Variants in RBFOX1 observed in about 807,000 individuals in gnomAD.
RBFOX1 encodes the protein RNA binding fox-1 homolog 1.
Under a neutral mutation model 57.7 loss-of-function variants are expected in RBFOX1, and 8 were observed. The ratio of observed to expected loss-of-function variants is 0.14; its 90% CI spans 0.08 to 0.25. The LOEUF is 0.25. RBFOX1 is among the 10% of genes least tolerant of loss of function. The pLI is 1.00. For missense variants in RBFOX1, 611 were observed against 548.5 expected (o/e 1.11, Z -1.14); for synonymous variants, 326 against 222.4 (o/e 1.47, Z -4.15).
intron 4 of RBFOX1, among the ~76,000 whole-genome samples, chr16:7,095,710 T>G (rs2061577005): frequency 6.6e-6 from 1 of 152,158 alleles, no homozygotes; most frequent in South Asian, 2.1e-4. Flanking sequence ...CAATTTGTTT[T>G]TTAATTCATT....
intron 4 of RBFOX1, among the ~76,000 whole-genome samples, chr16:7,114,021 A>G (rs9922705): frequency 0.22 from 33,726 of 152,128 alleles, 3,961 homozygotes; most frequent in East Asian, 0.43. Context: ...ATCAATAATG[A>G]ATGTGCAATG....
intron 2 of RBFOX1, among the ~76,000 whole-genome samples, chr16:6,355,456 A>T (rs2087131697): frequency 6.6e-6 from 1 of 152,168 alleles, no homozygotes; most frequent in Non-Finnish European, 1.5e-5. Context: ...CCTGCAAAGG[A>T]CATGAACTCA....
rs1270485814 is a variant in RBFOX1, at chr16:7,445,362, C to T, written c.28-72785C>T. Among the ~76,000 whole-genome samples the T allele has an allele frequency of 3.3e-5, 5 of 152,138 alleles. No individual in the cohort carries two copies. In the South Asian group the frequency reaches 6.2e-4, roughly 19 times the overall value. On this transcript the variant is annotated intron_variant, in intron 4 of 15. Coordinates refer to ENST00000550418, the MANE Select transcript of RBFOX1 (RefSeq NM_018723.4). ...CTACTCCTCTCTTAATCTGGAGGCC[C>T]ATGGGTCTCCAGTACCCTTATGCAC...
chr16:7,256,560 G>A (rs1025841792), intron 4 of RBFOX1, among the ~76,000 whole-genome samples: 1 of 151,946 alleles, frequency 6.6e-6, no homozygotes, highest in South Asian at 2.1e-4. Flanking sequence ...CTGTATGTCT[G>A]TTTATACCAT....
chr16:7,571,272 C>T (rs1180182065), intron 5 of RBFOX1, among the ~76,000 whole-genome samples: 1 of 152,150 alleles, frequency 6.6e-6, no homozygotes, highest in Non-Finnish European at 1.5e-5. Flanking sequence ...CTAGAAGATG[C>T]CACGCAGGTG....
intron 5 of RBFOX1, among the ~76,000 whole-genome samples, chr16:7,544,443 T>A (rs2083848172): frequency 6.6e-6 from 1 of 152,178 alleles, no homozygotes; most frequent in African/African-American, 2.4e-5. Flanking sequence ...TAGATGAGGT[T>A]ATACTGGATT....
chr16:6,150,781 C>A (rs76507910), intron 1 of RBFOX1, among the ~76,000 whole-genome samples: 9,931 of 152,222 alleles, frequency 0.065, 489 homozygotes, highest in Middle Eastern at 0.13. Flanking sequence ...TAGATTTGTG[C>A]CTAGGACATC....
chr16:6,582,768 T>A lies in RBFOX1; in HGVS notation c.-63-71835T>A, dbSNP rs141581512. Among the ~76,000 whole-genome samples, 341 of 151,384 alleles carry A rather than the reference T, an allele frequency of 2.3e-3. 2 individuals are homozygous for A. The highest frequency in any genetic ancestry group is 3.3e-3 in the Non-Finnish European group (227 of 67,804). ...CTTTCTCTTCTTTCCTCCCCTTTCT[T>A]TCCTTCCTCTTTCCCTTCCCTCCCC... On this transcript the variant is annotated intron_variant, in intron 2 of 15. Coordinates refer to ENST00000550418, the MANE Select transcript of RBFOX1 (RefSeq NM_018723.4).
chr16:5,433,210 G>A (rs1320425991), intron 1 of RBFOX1, among the ~76,000 whole-genome samples: 1 of 152,136 alleles, frequency 6.6e-6, no homozygotes, highest in Non-Finnish European at 1.5e-5. Context: ...TTGCCTCCTT[G>A]ATTCTCTTGG....
chr16:5,312,157 T>G (rs2064109112), intron 1 of RBFOX1, among the ~76,000 whole-genome samples: 1 of 152,178 alleles, frequency 6.6e-6, no homozygotes, highest in South Asian at 2.1e-4. Context: ...GGAATGCGTG[T>G]TTGGGACACT....
At chr16:6,925,207 C>T (rs1208404361) in intron 3 of RBFOX1, among the ~76,000 whole-genome samples, 2 of 129,320 alleles carry the variant, frequency 1.5e-5, no homozygotes, top group Admixed American at 1.8e-4. Context: ...GATCTCAGCT[C>T]ACTGAAGCCT....
chr16:6,132,445 T>G (rs2096636356), intron 1 of RBFOX1, among the ~76,000 whole-genome samples: 1 of 152,176 alleles, frequency 6.6e-6, no homozygotes, highest in Non-Finnish European at 1.5e-5. Context: ...CTGAGCTAGT[T>G]TTACTGAGCA....
rs575235024 is a variant in RBFOX1 at position 5,897,016 on chromosome 16, C to CTTTTTTTT, written c.351+29704_351+29711dup. On this transcript the variant is annotated intron_variant, in intron 4 of 19. Transcript: ENST00000641259. ...CCCCCACTAAAAATGTATCCATCCG[C>CTTTTTTTT]TTTTTTTTTTTTTTTTTTTTTTTTT... Among the ~76,000 whole-genome samples the CTTTTTTTT allele has an allele frequency of 3.6e-3, 205 of 56,468 alleles. 30 individuals are homozygous for CTTTTTTTT. The highest frequency in any genetic ancestry group is 0.012 in the African/African-American group (160 of 13,014). 37.0% of individuals were successfully genotyped at this position (56,468 alleles called of 152,430 possible).
At chr16:6,811,969 G>T (rs978117157) in intron 3 of RBFOX1, among the ~76,000 whole-genome samples, 1 of 152,158 alleles carries the variant, frequency 6.6e-6, no homozygotes, top group Non-Finnish European at 1.5e-5. Flanking sequence ...ATTTCTTACA[G>T]ATGTTGTTTC....
At chr16:6,491,266 A>T (rs553136527) in intron 2 of RBFOX1, among the ~76,000 whole-genome samples, 1 of 152,048 alleles carries the variant, frequency 6.6e-6, no homozygotes, top group African/African-American at 2.4e-5. Context: ...GGGAAGTTGG[A>T]TTTAAAATAG....
At chr16:6,360,445 G>GA (rs1010142094) in intron 2 of RBFOX1, among the ~76,000 whole-genome samples, 9 of 149,690 alleles carry the variant, frequency 6.0e-5, no homozygotes, top group East Asian at 3.9e-4. Context: ...ACTATATTTG[G>GA]AAAAAAAAAT....
intron 1 of RBFOX1, among the ~76,000 whole-genome samples, chr16:6,058,800 C>G (rs1188017429): frequency 6.6e-6 from 1 of 151,010 alleles, no homozygotes; most frequent in Non-Finnish European, 1.5e-5. Context: ...AATTATTTAC[C>G]CATCCATCCA....
intron 10 of RBFOX1, among the ~76,000 whole-genome samples, chr16:7,626,339 C>A (rs952062666): frequency 1.3e-5 from 2 of 152,218 alleles, no homozygotes; most frequent in African/African-American, 2.4e-5. Flanking sequence ...TACTGCTCAG[C>A]AGAAAGGGTT....
intron 4 of RBFOX1, among the ~76,000 whole-genome samples, chr16:5,871,725 G>C (rs2057477650): frequency 6.6e-6 from 1 of 151,516 alleles, no homozygotes; most frequent in Non-Finnish European, 1.5e-5. Flanking sequence ...GAGGATGTTT[G>C]AGGAAAAAAA....
Sources: allele counts gnomAD v4.1 joint callset (sites outside exome capture counted in the v4.1 genomes callset), GRCh38; gene constraint gnomAD v4.1.1; transcripts MANE v1.5; gene names NCBI Gene and HGNC (gene_info 2026-07-23, HGNC 2026-07-21).